The following SLC44A5 variants were observed in gnomAD, a reference collection of about 807,000 sequenced individuals.
SLC44A5 encodes the protein choline transporter-like protein 5.
Under a neutral mutation model 101.8 loss-of-function variants are expected in SLC44A5, and 57 were observed. The ratio of observed to expected loss-of-function variants is 0.56; its 90% confidence interval spans 0.45 to 0.70. SLC44A5 has a LOEUF of 0.70. SLC44A5 is among the 30% of genes least tolerant of loss of function. The probability of loss-of-function intolerance (pLI) is 0.00; values close to 1 mark genes in which losing one functional copy is unlikely to be tolerated. For missense variants in SLC44A5, 737 were observed against 853.1 expected (o/e 0.86, Z 1.70); for synonymous variants, 281 against 290.9 (o/e 0.97, Z 0.35).
At chr1:75,351,193 C>T (rs1449617365) in intron 3 of SLC44A5, among the ~76,000 whole-genome samples, 1 of 151,698 alleles carries the variant, frequency 6.6e-6, no homozygotes, top group Non-Finnish European at 1.5e-5. Flanking sequence ...CACTTCATAA[C>T]AAAATTCAAA....
At chr1:75,508,596 T>C (rs1006189738) in intron 2 of SLC44A5, among the ~76,000 whole-genome samples, 1 of 151,822 alleles carries the variant, frequency 6.6e-6, no homozygotes, top group Non-Finnish European at 1.5e-5. Flanking sequence ...TTTGATAGAC[T>C]GGTAACTAGA....
chr1:75,439,730 C>T (rs950817819), intron 2 of SLC44A5, among the ~76,000 whole-genome samples: 15 of 151,960 alleles, frequency 9.9e-5, no homozygotes, highest in African/African-American at 3.6e-4. Flanking sequence ...TCTAACAATC[C>T]TCTATGCAAA....
At chr1:75,644,926 T>G in the SLC44A5 span, among the ~76,000 whole-genome samples, 3 of 152,140 alleles carry the variant, frequency 2.0e-5, no homozygotes, top group African/African-American at 7.2e-5. Context: ...GGTTTCCAGC[T>G]TCATCCATGT....
intron 2 of SLC44A5, among the ~76,000 whole-genome samples, chr1:75,503,466 G>T (rs367751052): frequency 2.6e-5 from 4 of 152,060 alleles, no homozygotes; most frequent in South Asian, 2.1e-4. Flanking sequence ...GCGAAGACAT[G>T]CTTGCTTCCT....
chr1:75,435,514 C>T (rs922575367), intron 2 of SLC44A5, among the ~76,000 whole-genome samples: 1 of 152,088 alleles, frequency 6.6e-6, no homozygotes, highest in Non-Finnish European at 1.5e-5. Context: ...AAAGGATACT[C>T]CAAGAGTGAC....
At chr1:75,242,202 A>T in intron 8 of SLC44A5, 141 bp from the exon 9 acceptor site, 2 of 600,382 alleles carry the variant, frequency 3.3e-6, no homozygotes, top group Non-Finnish European at 5.8e-6. Context: ...TATTAATTGT[A>T]AGATTATCAC....
chr1:75,218,697 G>A lies in SLC44A5; in HGVS notation c.1322C>T (p.Ala441Val). 6.2e-7 allele frequency: 1 copy of A among 1,613,638 alleles called. No homozygotes were observed. Among genetic ancestry groups the A allele is most frequent in the Non-Finnish European group, 8.5e-7 (1 of 1,179,664 alleles). ...KACPGALCNF[A>V]FYGGKSLYHQ... ...GTACAAGCTCTTTCCACCATAGAAA[G>A]CAAAGTTACACAGAGCCCCAGGGCA... Residue 441 changes from alanine to valine, a missense_variant, in exon 17 of 24, where the codon GCT (alanine) becomes GTT (valine). Physicochemically the swap from Ala to Val is moderately conservative, Grantham distance 64. Coordinates refer to ENST00000370859, the MANE Select transcript of SLC44A5 (RefSeq NM_001130058.2).
intron 3 of SLC44A5, among the ~76,000 whole-genome samples, chr1:75,354,223 A>G (rs1658898816): frequency 6.6e-6 from 1 of 152,170 alleles, no homozygotes; most frequent in East Asian, 1.9e-4. Flanking sequence ...CTGAGGCTGA[A>G]CCCTTTAAAG....
chr1:75,643,981 T>C, the SLC44A5 span, among the ~76,000 whole-genome samples: 2 of 152,218 alleles, frequency 1.3e-5, no homozygotes, highest in Non-Finnish European at 2.9e-5. Context: ...CTGGAGTTCA[T>C]TCAGGGCTAA....
At chr1:75,329,096 A>G (rs1478415068) in intron 4 of SLC44A5, among the ~76,000 whole-genome samples, 2 of 152,210 alleles carry the variant, frequency 1.3e-5, no homozygotes, top group African/African-American at 4.8e-5. Flanking sequence ...TATCTATATA[A>G]CAACCTTCGC....
At chr1:75,449,514 T>C (rs534201385) in intron 2 of SLC44A5, among the ~76,000 whole-genome samples, 1 of 152,170 alleles carries the variant, frequency 6.6e-6, no homozygotes, top group South Asian at 2.1e-4. Context: ...AGAGTGGAAC[T>C]TGGACTTTGC....
At chr1:75,703,577 T>G in the SLC44A5 span, among the ~76,000 whole-genome samples, 5 of 151,898 alleles carry the variant, frequency 3.3e-5, no homozygotes, top group Non-Finnish European at 7.4e-5. Flanking sequence ...TGAGTTAATG[T>G]GTGCAGCACA....
intron 11 of SLC44A5, among the ~76,000 whole-genome samples, chr1:75,235,421 A>C (rs1467252647): frequency 6.6e-6 from 1 of 151,952 alleles, no homozygotes; most frequent in Non-Finnish European, 1.5e-5. Context: ...AGGATAATCT[A>C]TCATAATGTA....
intron 1 of SLC44A5, among the ~76,000 whole-genome samples, chr1:75,598,913 C>T (rs989366199): frequency 6.6e-6 from 1 of 151,966 alleles, no homozygotes; most frequent in African/African-American, 2.4e-5. Flanking sequence ...GCACATGTAC[C>T]CCAAGCTTAA....
At chr1:75,635,662 G>C in the SLC44A5 span, among the ~76,000 whole-genome samples, 2 of 128,818 alleles carry the variant, frequency 1.6e-5, no homozygotes, top group Non-Finnish European at 3.3e-5. Flanking sequence ...GTTGTGGGGT[G>C]GGGGGAGGGG....
intron 7 of SLC44A5, among the ~76,000 whole-genome samples, chr1:75,245,184 A>C (rs1228934969): frequency 6.6e-6 from 1 of 152,074 alleles, no homozygotes; most frequent in African/African-American, 2.4e-5. Context: ...ACTCATCTCC[A>C]CATCCACACC....
At chr1:75,242,258 A>G (rs1045324474) in intron 8 of SLC44A5, among the ~76,000 whole-genome samples, 197 bp from the exon 9 acceptor site, 3 of 152,058 alleles carry the variant, frequency 2.0e-5, no homozygotes, top group African/African-American at 7.2e-5. Context: ...ACTGTAATTC[A>G]ATCGGACCAA....
intron 2 of SLC44A5, among the ~76,000 whole-genome samples, chr1:75,444,314 CAAA>C (rs1352110826): frequency 7.9e-5 from 2 of 25,280 alleles, no homozygotes; most frequent in African/African-American, 1.6e-4. Context: ...AAAACTCTGT[CAAA>C]AAAAAAAAAA....
the SLC44A5 span, among the ~76,000 whole-genome samples, chr1:75,719,991 C>G: frequency 6.6e-6 from 1 of 152,166 alleles, no homozygotes; most frequent in African/African-American, 2.4e-5. Flanking sequence ...TGTGGACTTC[C>G]CCTGTTCTGG....
Sources: allele counts gnomAD v4.1 joint callset (sites outside exome capture counted in the v4.1 genomes callset), GRCh38; gene constraint gnomAD v4.1.1; transcripts MANE v1.5; gene names NCBI Gene and HGNC (gene_info 2026-07-23, HGNC 2026-07-21).